PLEKHA8: variants seen among roughly 807,000 people sequenced by gnomAD.
The protein encoded by PLEKHA8 is pleckstrin homology domain-containing family A member 8.
A neutral mutation model predicts 68.2 loss-of-function variants in PLEKHA8; 36 were observed. That is an observed-to-expected ratio of 0.53 (90% CI 0.40 to 0.70). The LOEUF is 0.70. Ranked by LOEUF, PLEKHA8 falls within the 30% of genes least tolerant of loss-of-function variation. The pLI is 0.00. For missense variants in PLEKHA8, 505 were observed against 615.4 expected (o/e 0.82, Z 1.90); for synonymous variants, 211 against 216.1 (o/e 0.98, Z 0.20).
At chr7:30,035,007 G>T (rs1055945847) in intron 1 of PLEKHA8, among the ~76,000 whole-genome samples, 1 of 151,646 alleles carries the variant, frequency 6.6e-6, no homozygotes, top group Non-Finnish European at 1.5e-5. Context: ...CATCCATTTT[G>T]AATTAATTTT....
rs547155751 is a variant in PLEKHA8 at position 30,109,689 on chromosome 7, A to G, written c.1363-19577A>G. On this transcript the variant is annotated intron_variant, in intron 13 of 13. Coordinates refer to the PLEKHA8 transcript ENST00000396257. ...TTTCTTTTTCTTTTTTTTTTTTTTT[A>G]AAGACAGAGTCTCACTTTGTCACCC... Among the ~76,000 whole-genome samples the G allele has an allele frequency of 3.8e-5, 5 of 132,726 alleles. No homozygotes were observed. In the South Asian group the frequency reaches 1.2e-3, roughly 33 times the overall value. 87.1% of individuals were successfully genotyped at this position (132,726 alleles called of 152,430 possible).
intron 5 of PLEKHA8, among the ~76,000 whole-genome samples, chr7:30,050,123 T>C (rs566231758): frequency 6.6e-6 from 1 of 152,374 alleles, no homozygotes; most frequent in Admixed American, 6.5e-5. Flanking sequence ...TGCTTATTAA[T>C]GTTTAATGAG....
chr7:30,047,712 C>A, intron 3 of PLEKHA8, 120 bp from the exon 4 acceptor site: 1 of 1,039,264 alleles, frequency 9.6e-7, no homozygotes, highest in Non-Finnish European at 1.3e-6. Flanking sequence ...AAAGATTTGA[C>A]TTTGGGCATA....
intron 1 of PLEKHA8, among the ~76,000 whole-genome samples, chr7:30,039,302 G>A (rs1009478872): frequency 2.0e-5 from 3 of 152,162 alleles, no homozygotes; most frequent in Admixed American, 6.5e-5. Context: ...ATCACCTGAG[G>A]TCAGGAGTTC....
At chr7:30,032,914 C>T (rs1022545872) in intron 1 of PLEKHA8, among the ~76,000 whole-genome samples, 1 of 152,228 alleles carries the variant, frequency 6.6e-6, no homozygotes, top group Non-Finnish European at 1.5e-5. Context: ...AAGCACATTG[C>T]ATTACTGCAT....
intron 13 of PLEKHA8, among the ~76,000 whole-genome samples, chr7:30,122,498 T>C (rs1796711386): frequency 6.6e-6 from 1 of 152,230 alleles, no homozygotes. Flanking sequence ...CTTGCACTTG[T>C]ATGTATAGAA....
intron 13 of PLEKHA8, chr7:30,129,235 C>T (rs776261549): frequency 1.2e-6 from 2 of 1,612,700 alleles, no homozygotes; most frequent in Non-Finnish European, 1.7e-6. Context: ...GCCTGTGTTC[C>T]TCTGTCCTTC....
Position 30,060,895 on chromosome 7 carries a change from C to G in PLEKHA8, c.1051C>G (p.Pro351Ala), listed in dbSNP as rs375382627. Residue 351 changes from proline to alanine, a missense_variant, in exon 10 of 14, where the codon CCT becomes GCT. By Grantham distance (27) the Pro-to-Ala change is conservative. Transcript: ENST00000449726. ...ATCTTTTCTTCTAGACAAACTTGGCCCTACAGTGTTTGCTCCTGTTAAGAT... is the reference window on the plus strand; with the variant it reads ...ATCTTTTCTTCTAGACAAACTTGGCGCTACAGTGTTTGCTCCTGTTAAGAT... Reference protein sequence around the residue: ...AVVPVLDKLGPTVFAPVKMDL... With the variant: ...AVVPVLDKLGATVFAPVKMDL... 55 of 1,612,470 alleles carry G rather than the reference C, an allele frequency of 3.4e-5. No individual in the cohort carries two copies. The East Asian group carries it at 1.2e-3, about 36-fold the overall frequency.
chr7:30,102,855 C>A (rs762435571), intron 13 of PLEKHA8, among the ~76,000 whole-genome samples: 2 of 152,230 alleles, frequency 1.3e-5, no homozygotes, highest in Non-Finnish European at 2.9e-5. Context: ...GAGTTCCAGA[C>A]CAGTCAGGGC....
At chr7:30,097,014 C>T (rs542638393) in intron 13 of PLEKHA8, among the ~76,000 whole-genome samples, 1 of 152,146 alleles carries the variant, frequency 6.6e-6, no homozygotes, top group African/African-American at 2.4e-5. Context: ...TCTTTTAGGG[C>T]AGGCCTGGTG....
chr7:30,076,464 A>G (rs1427905972), intron 13 of PLEKHA8, among the ~76,000 whole-genome samples: 1 of 152,190 alleles, frequency 6.6e-6, no homozygotes, highest in African/African-American at 2.4e-5. Flanking sequence ...CTACAACCAC[A>G]GTTTACAGTT....
At chr7:30,034,345 A>G (rs1034302949) in intron 1 of PLEKHA8, among the ~76,000 whole-genome samples, 1 of 152,022 alleles carries the variant, frequency 6.6e-6, no homozygotes, top group Non-Finnish European at 1.5e-5. Context: ...TCCTTGTTAG[A>G]TAGATGATTT....
intron 1 of PLEKHA8, among the ~76,000 whole-genome samples, chr7:30,037,272 G>A (rs1343506828): frequency 6.6e-6 from 1 of 152,082 alleles, no homozygotes; most frequent in African/African-American, 2.4e-5. Context: ...CAGATTGTCA[G>A]TCCTATCAAG....
At position 30,080,387 on chromosome 7, in the gene PLEKHA8, G is replaced by A; in HGVS notation, c.*1600G>A. 3 of 985,240 alleles carry A rather than the reference G, an allele frequency of 3.0e-6. No homozygotes were observed. The highest frequency in any genetic ancestry group is 3.6e-6 in the Non-Finnish European group (3 of 829,890). The allele number at this position is 985,240 out of a possible 1,614,324, so 61.0% of individuals were successfully genotyped here. ...ACAGGAAGGGAAGTTCCAGCATGAG[G>A]TAGTTATCCAGGGTAGAAGGTCCTT... On this transcript the variant is annotated 3_prime_UTR_variant, in exon 14 of 14. Coordinates refer to ENST00000449726, the MANE Select transcript of PLEKHA8 (RefSeq NM_001197026.2).
intron 13 of PLEKHA8, among the ~76,000 whole-genome samples, chr7:30,103,868 G>C (rs1252046790): frequency 6.6e-6 from 1 of 151,990 alleles, no homozygotes; most frequent in Non-Finnish European, 1.5e-5. Flanking sequence ...GCACTATAAA[G>C]AAAAAAGTGA....
At chr7:30,071,755 G>C (rs1794252105) in intron 12 of PLEKHA8, 1 of 152,200 alleles carries the variant, frequency 6.6e-6, no homozygotes, top group Non-Finnish European at 1.5e-5. Flanking sequence ...TTAATGCCCT[G>C]CATGGAATAC....
chr7:30,055,105 T>C (rs1470315882), intron 8 of PLEKHA8, 152 bp from the exon 9 acceptor site: 2 of 754,402 alleles, frequency 2.7e-6, no homozygotes, highest in Non-Finnish European at 4.4e-6. Context: ...ATTTATTTTA[T>C]GAGACCATAT....
intron 9 of PLEKHA8, among the ~76,000 whole-genome samples, chr7:30,058,690 G>GT (rs993546332): frequency 6.6e-6 from 1 of 152,106 alleles, no homozygotes; most frequent in African/African-American, 2.4e-5. Flanking sequence ...AAGTCTCTCA[G>GT]TTTTTTCTTT....
intron 9 of PLEKHA8, among the ~76,000 whole-genome samples, chr7:30,060,445 AC>A (rs1793349838): frequency 9.5e-6 from 1 of 105,400 alleles, no homozygotes; most frequent in South Asian, 2.8e-4. Flanking sequence ...TCTCAAAAAA[AC>A]AAACAAACCG....
Sources: gnomAD v4.1 joint callset for allele counts (sites outside exome capture counted in the v4.1 genomes callset) on GRCh38, gnomAD v4.1.1 for gene constraint, MANE v1.5 for transcripts, NCBI Gene and HGNC (gene_info 2026-07-23, HGNC 2026-07-21) for gene names.